The following VIPR2 variants were observed in gnomAD, a reference collection of about 807,000 sequenced individuals.
VIPR2 encodes vasoactive intestinal polypeptide receptor 2.
In VIPR2, 48 loss-of-function variants were observed where a neutral mutation model predicts 58.0. The ratio of observed to expected loss-of-function variants is 0.83; its 90% confidence interval spans 0.66 to 1.05. VIPR2 has a LOEUF of 1.05. Among genes scored for constraint, VIPR2 ranks in the 50% least tolerant of loss-of-function variants. The pLI, the probability that VIPR2 is intolerant of heterozygous loss-of-function variation, is 0.00. For missense variants in VIPR2, 534 were observed against 558.0 expected, an observed-to-expected ratio of 0.96 and a Z score of 0.43; for synonymous variants, 243 against 235.2, an observed-to-expected ratio of 1.03 and a Z score of -0.30.
At chr7:159,078,080 T>C (rs1023672357) in intron 4 of VIPR2, among the ~76,000 whole-genome samples, 1 of 152,258 alleles carries the variant, frequency 6.6e-6, no homozygotes, top group African/African-American at 2.4e-5. Context: ...TGCCTGTTCC[T>C]GTGTGGGCCA....
intron 2 of VIPR2, among the ~76,000 whole-genome samples, chr7:159,111,221 A>G (rs1437961667): frequency 6.6e-6 from 1 of 152,150 alleles, no homozygotes; most frequent in African/African-American, 2.4e-5. Context: ...CCAAGAGTGA[A>G]CAAGATGGAG....
chr7:159,114,891 A>G (rs1796179760), intron 2 of VIPR2, among the ~76,000 whole-genome samples: 1 of 152,212 alleles, frequency 6.6e-6, no homozygotes, highest in Non-Finnish European at 1.5e-5. Context: ...CAAGTATTAG[A>G]CATGTTTAAA....
chr7:159,070,583 C>G (rs1007048052), intron 4 of VIPR2, among the ~76,000 whole-genome samples: 4 of 152,172 alleles, frequency 2.6e-5, no homozygotes, highest in Admixed American at 2.6e-4. Flanking sequence ...TTGTGGGAAG[C>G]ACGGCCGCTA....
Position 159,058,483 on chromosome 7 carries a change from G to A in VIPR2, c.453C>T (p.Phe151=), listed in dbSNP as rs947120327. 1 of 1,612,146 alleles carries A rather than the reference G, an allele frequency of 6.2e-7. No individual in the cohort carries two copies. The highest frequency in any genetic ancestry group is 8.5e-7 in the Non-Finnish European group (1 of 1,178,328). The change falls in exon 5 of 13, where the codon TTC becomes TTT. Residue 151 remains phenylalanine (F), a splice_region_variant and synonymous_variant. Coordinates refer to ENST00000262178, the MANE Select transcript of VIPR2 (RefSeq NM_003382.5). ...LATGSIILCL[F]RKLHCTRNYI... Reference sequence around the variant, plus strand: ...AATTACTAATTTCTGCTCCTTACCTGAAGAGGCACAGAATTATGCTTCCTG... The same window carrying A: ...AATTACTAATTTCTGCTCCTTACCTAAAGAGGCACAGAATTATGCTTCCTG...
At chr7:159,118,898 T>G (rs141682361) in intron 2 of VIPR2, among the ~76,000 whole-genome samples, 220 of 152,330 alleles carry the variant, frequency 1.4e-3, no homozygotes, top group African/African-American at 5.0e-3. Flanking sequence ...GGCACAGCGC[T>G]TTGTGCACTC....
At chr7:159,129,073 C>T (rs67874324) in intron 2 of VIPR2, among the ~76,000 whole-genome samples, 17,025 of 150,878 alleles carry the variant, frequency 0.11, 1,250 homozygotes, top group African/African-American at 0.2. Context: ...AAGAACCCGT[C>T]ACCACCCGCC....
chr7:159,105,715 C>T (rs994606114), intron 3 of VIPR2, among the ~76,000 whole-genome samples: 2 of 152,164 alleles, frequency 1.3e-5, no homozygotes, highest in African/African-American at 4.8e-5. Context: ...GCTGCAGAGA[C>T]CCCATACACG....
At position 159,097,765 on chromosome 7, in the gene VIPR2, C is replaced by T. The variant is rs1403346162; in HGVS notation, c.357+5992G>A. Among the ~76,000 whole-genome samples the T allele has an allele frequency of 1.3e-5, 2 of 152,170 alleles. No individual in the cohort carries two copies. The highest frequency in any genetic ancestry group is 2.9e-5 in the Non-Finnish European group (2 of 68,028). On this transcript the variant is annotated intron_variant, in intron 4 of 12. Transcript: ENST00000262178. The surrounding 1 kb of genome is among the most constrained non-coding windows in gnomAD (Gnocchi z 5.3). Reference sequence around the variant, plus strand: ...ATTGTAGCCAGTTGGGACACACAGACCAAGATTTCTGGGTCTGATCCCAGG... The same window carrying T: ...ATTGTAGCCAGTTGGGACACACAGATCAAGATTTCTGGGTCTGATCCCAGG...
intron 2 of VIPR2, among the ~76,000 whole-genome samples, chr7:159,121,699 C>T (rs1437219605): frequency 6.6e-6 from 1 of 152,120 alleles, no homozygotes; most frequent in East Asian, 1.9e-4. Flanking sequence ...CAGTTAAATG[C>T]CCCATTTGTA....
At chr7:159,075,230 C>A (rs1350693936) in intron 4 of VIPR2, among the ~76,000 whole-genome samples, 1 of 152,204 alleles carries the variant, frequency 6.6e-6, no homozygotes, top group Non-Finnish European at 1.5e-5. Flanking sequence ...AGCTCAAAAT[C>A]TACAGATGTC....
intron 2 of VIPR2, among the ~76,000 whole-genome samples, chr7:159,134,560 T>A (rs184302144): frequency 6.6e-6 from 1 of 152,292 alleles, no homozygotes; most frequent in East Asian, 1.9e-4. Context: ...GTGGTCAAAC[T>A]ACTAACATTA....
chr7:159,093,403 T>C lies in VIPR2; in HGVS notation c.357+10354A>G, dbSNP rs1321149523. 6.6e-6 allele frequency among the ~76,000 whole-genome samples: 1 copy of C among 152,202 alleles called. No homozygotes were observed. Among genetic ancestry groups the C allele is most frequent in the African/African-American group, 2.4e-5 (1 of 41,462 alleles). On this transcript the variant is annotated intron_variant, in intron 4 of 12. Coordinates refer to ENST00000262178, the MANE Select transcript of VIPR2 (RefSeq NM_003382.5). The surrounding 1 kb of genome is among the most constrained non-coding windows in gnomAD (Gnocchi z 6.7). ...TAGAAGTCAGGGCAGGCACCGCGGC[T>C]CCACGCTTACTTTCGAGGGTGCTGG...
intron 2 of VIPR2, among the ~76,000 whole-genome samples, chr7:159,114,162 G>T (rs1796146841): frequency 6.6e-6 from 1 of 152,198 alleles, no homozygotes; most frequent in African/African-American, 2.4e-5. Flanking sequence ...TCAGTTCAGT[G>T]TTGGACATAA....
At chr7:159,037,185 C>T (rs1276806978) in intron 6 of VIPR2, among the ~76,000 whole-genome samples, 2 of 152,230 alleles carry the variant, frequency 1.3e-5, no homozygotes, top group Non-Finnish European at 2.9e-5. Flanking sequence ...GCTGGAGGGT[C>T]CTAGACAGGC....
intron 1 of VIPR2, 142 bp from the exon 2 acceptor site, chr7:159,142,687 G>T: frequency 5.5e-6 from 3 of 541,732 alleles, no homozygotes; most frequent in South Asian, 5.3e-5. Flanking sequence ...CAATCACCTT[G>T]ATTTTTCTGG....
At chr7:159,105,169 C>T (rs1003138345) in intron 3 of VIPR2, among the ~76,000 whole-genome samples, 1 of 152,032 alleles carries the variant, frequency 6.6e-6, no homozygotes, top group African/African-American at 2.4e-5. Flanking sequence ...CGAAGGTGTC[C>T]GAGCCGTAAG....
chr7:159,073,821 T>A lies in VIPR2; in HGVS notation c.358-15243A>T, dbSNP rs1376071977. The stretch of plus-strand genomic sequence containing the variant: ...GTGGGGGAGCCCCAGGGCAGAACTC[T>A]ACACCTCTTCTGGGCTGTGGAGCTG... On this transcript the variant is annotated intron_variant, in intron 4 of 12. Coordinates refer to ENST00000262178, the MANE Select transcript of VIPR2 (RefSeq NM_003382.5). Among the ~76,000 whole-genome samples the A allele has an allele frequency of 3.9e-5, 6 of 152,314 alleles. No individual in the cohort carries two copies. In the East Asian group the frequency reaches 1.2e-3, roughly 29 times the overall value.
intron 9 of VIPR2, 69 bp downstream of exon 9, chr7:159,034,512 T>C: frequency 6.8e-7 from 1 of 1,480,172 alleles, no homozygotes; most frequent in Non-Finnish European, 9.4e-7. Flanking sequence ...TAATAAAGGA[T>C]GGCAGGCTTG....
chr7:159,034,794 A>G lies in VIPR2; in HGVS notation c.810-144T>C, dbSNP rs957879432. ...CTCTGCACTGACAGATCGTAAAGGA[A>G]TCTGTCCCAGGGAGTGATTGTGTTT... On this transcript the variant is annotated intron_variant, in intron 8 of 12. Coordinates refer to ENST00000262178, the MANE Select transcript of VIPR2 (RefSeq NM_003382.5). 4.3e-6 allele frequency: 3 copies of G among 697,052 alleles called. No individual in the cohort carries two copies. In the Admixed American group the frequency reaches 6.4e-5, roughly 15 times the overall value. The allele number at this position is 697,052 out of a possible 1,614,324, so 43.2% of individuals were successfully genotyped here.
Sources: allele counts gnomAD v4.1 joint callset (sites outside exome capture counted in the v4.1 genomes callset), GRCh38; gene constraint gnomAD v4.1.1; non-coding constraint Gnocchi (gnomAD v3.1); transcripts MANE v1.5; gene names NCBI Gene and HGNC (gene_info 2026-07-23, HGNC 2026-07-21).